UNC5C: variants seen among roughly 807,000 people sequenced by gnomAD.
The protein encoded by UNC5C is netrin receptor UNC5C.
A neutral mutation model predicts 99.8 loss-of-function variants in UNC5C; 47 were observed. That is an observed-to-expected ratio of 0.47 (90% confidence interval 0.37 to 0.60). UNC5C has a LOEUF of 0.60. Among genes scored for constraint, UNC5C ranks in the 20% least tolerant of loss-of-function variants. The pLI is 0.00. For missense variants in UNC5C, 1,062 were observed against 1,165.9 expected (o/e 0.91, Z 1.30); for synonymous variants, 487 against 452.2 (o/e 1.08, Z -0.98).
At chr4:95,172,192 C>G (rs1354117409) in intron 14 of UNC5C, among the ~76,000 whole-genome samples, 3 of 150,408 alleles carry the variant, frequency 2.0e-5, no homozygotes, top group Non-Finnish European at 4.4e-5. Flanking sequence ...TGTAGGTTGC[C>G]TGTTGACTCT....
chr4:95,308,515 G>T (rs947839490), intron 2 of UNC5C, among the ~76,000 whole-genome samples: 3 of 151,978 alleles, frequency 2.0e-5, no homozygotes, highest in African/African-American at 7.2e-5. Flanking sequence ...CACTTTGGGA[G>T]GCTGAGGCGG....
intron 2 of UNC5C, among the ~76,000 whole-genome samples, chr4:95,324,119 C>T (rs1178938030): frequency 6.6e-6 from 1 of 152,130 alleles, no homozygotes; most frequent in Non-Finnish European, 1.5e-5. Context: ...ACAGAGGTCC[C>T]CAACCCCCAG....
chr4:95,341,459 GAGAGAAAGAAAGAAGAA>G (rs1454535354), intron 1 of UNC5C, among the ~76,000 whole-genome samples: 5 of 145,634 alleles, frequency 3.4e-5, no homozygotes, highest in African/African-American at 1.0e-4. Context: ...TTATAAGAAA[GAGAGAAAGAAAGAAGAA>G]AGAGAGAGAA....
At chr4:95,425,444 C>G (rs1236605558) in intron 1 of UNC5C, among the ~76,000 whole-genome samples, 1 of 152,356 alleles carries the variant, frequency 6.6e-6, no homozygotes, top group East Asian at 1.9e-4. Flanking sequence ...GCTTCAGCGT[C>G]GCGAGTAACT....
chr4:95,327,847 G>A (rs1233432678), intron 2 of UNC5C, among the ~76,000 whole-genome samples: 3 of 151,838 alleles, frequency 2.0e-5, no homozygotes, highest in African/African-American at 7.3e-5. Context: ...TTCATAAACT[G>A]TTCCTGTGAC....
rs748639739 is a variant in UNC5C at position 95,168,171 on chromosome 4, A to G, written c.*1063T>C. 1.3e-5 allele frequency: 2 copies of G among 152,226 alleles called. No individual in the cohort carries two copies. Among genetic ancestry groups the G allele is most frequent in the Non-Finnish European group, 2.9e-5 (2 of 68,056 alleles). 9.4% of individuals were successfully genotyped at this position (152,226 alleles called of 1,614,324 possible). A position where few individuals can be genotyped will look rare whatever the true frequency, so the allele number is the denominator to read the frequency against. On this transcript the variant is annotated 3_prime_UTR_variant, in exon 16 of 16. Coordinates refer to ENST00000453304, the MANE Select transcript of UNC5C (RefSeq NM_003728.4). ...CTCCTTAAGACTCCTCAGAGGAGAA[A>G]GAAAGACCCTGCCTGAGCAAGCTGA...
intron 1 of UNC5C, among the ~76,000 whole-genome samples, chr4:95,402,242 T>C (rs1372301716): frequency 3.3e-5 from 5 of 152,224 alleles, no homozygotes; most frequent in Non-Finnish European, 7.3e-5. Context: ...TTGGTTCTAA[T>C]TTTTAAATGG....
At chr4:95,250,331 G>A (rs1297291170) in intron 5 of UNC5C, among the ~76,000 whole-genome samples, 156 bp downstream of exon 5, 1 of 152,052 alleles carries the variant, frequency 6.6e-6, no homozygotes, top group African/African-American at 2.4e-5. Context: ...GCTAGAGTGA[G>A]CTACGGTCAT....
rs1021343862 is a variant in UNC5C at position 95,283,463 on chromosome 4, A to G, written c.491-5101T>C. Among the ~76,000 whole-genome samples, 6 of 152,326 alleles carry G rather than the reference A, an allele frequency of 3.9e-5. No homozygotes were observed. In the South Asian group the frequency reaches 8.3e-4, roughly 21 times the overall value. On this transcript the variant is annotated intron_variant, in intron 3 of 15. Transcript: ENST00000453304. ...GGCTTTCAGATTGTGTAATGAGCAT[A>G]GGATATATCGCGGCCGTGCAGCACA...
chr4:95,237,391 A>C lies in UNC5C; in HGVS notation c.1108+5038T>G, dbSNP rs530169507. Among the ~76,000 whole-genome samples the C allele has an allele frequency of 1.1e-4, 16 of 152,328 alleles. 1 individual carries two copies. In the East Asian group the frequency reaches 3.1e-3, roughly 29 times the overall value. On this transcript the variant is annotated intron_variant, in intron 7 of 15. Coordinates refer to ENST00000453304, the MANE Select transcript of UNC5C (RefSeq NM_003728.4). ...AGCAAAGTACAAAAGTTTCCACTTA[A>C]CTACACATTTGTTTAACATTTAGCA...
At chr4:95,350,653 T>C (rs1198793730) in intron 1 of UNC5C, among the ~76,000 whole-genome samples, 3 of 152,058 alleles carry the variant, frequency 2.0e-5, no homozygotes, top group Non-Finnish European at 4.4e-5. Flanking sequence ...AACTTAAACA[T>C]AGGGTTAAGC....
At chr4:95,250,798 T>A in intron 4 of UNC5C, 131 bp from the exon 5 acceptor site, 2 of 897,038 alleles carry the variant, frequency 2.2e-6, no homozygotes, top group Non-Finnish European at 3.4e-6. Flanking sequence ...TTGTAATATG[T>A]ACAATGTTGT....
chr4:95,306,241 C>CA, intron 2 of UNC5C, among the ~76,000 whole-genome samples: 1 of 152,138 alleles, frequency 6.6e-6, no homozygotes, highest in East Asian at 1.9e-4. Flanking sequence ...CTTGCTCTGT[C>CA]ACCCAGGCTG....
chr4:95,518,171 T>C (rs1578205359), intron 1 of UNC5C, among the ~76,000 whole-genome samples: 1 of 152,132 alleles, frequency 6.6e-6, no homozygotes, highest in East Asian at 1.9e-4. Flanking sequence ...GAACTAAGGG[T>C]AGGCAATCTC....
At chr4:95,290,015 A>G (rs1741384367) in intron 3 of UNC5C, among the ~76,000 whole-genome samples, 1 of 152,166 alleles carries the variant, frequency 6.6e-6, no homozygotes, top group African/African-American at 2.4e-5. Context: ...AATATTTTAA[A>G]AATTGAAGCT....
intron 1 of UNC5C, among the ~76,000 whole-genome samples, chr4:95,396,266 A>C (rs756858840): frequency 3.3e-5 from 5 of 152,204 alleles, no homozygotes; most frequent in Non-Finnish European, 5.9e-5. Flanking sequence ...CATCTTGGGT[A>C]AGATATTCCA....
At chr4:95,265,289 C>A (rs187727296) in intron 4 of UNC5C, among the ~76,000 whole-genome samples, 2 of 149,314 alleles carry the variant, frequency 1.3e-5, no homozygotes, top group Non-Finnish European at 3.0e-5. Context: ...TCAACAAATA[C>A]AAAAAAAACA....
At chr4:95,473,526 C>T (rs1421334298) in intron 1 of UNC5C, among the ~76,000 whole-genome samples, 1 of 151,774 alleles carries the variant, frequency 6.6e-6, no homozygotes, top group Non-Finnish European at 1.5e-5. Flanking sequence ...GAGCAAATTC[C>T]ACTTAAAATT....
intron 7 of UNC5C, among the ~76,000 whole-genome samples, chr4:95,223,758 T>A (rs1315343798): frequency 1.3e-5 from 2 of 152,132 alleles, no homozygotes; most frequent in African/African-American, 4.8e-5. Context: ...GTGAACTCAA[T>A]AAAAGGACAT....
Sources: allele counts gnomAD v4.1 joint callset (sites outside exome capture counted in the v4.1 genomes callset), GRCh38; gene constraint gnomAD v4.1.1; transcripts MANE v1.5; gene names NCBI Gene and HGNC (gene_info 2026-07-23, HGNC 2026-07-21).